The following ERI1 variants were observed in gnomAD, a reference collection of about 807,000 sequenced individuals.
ERI1 encodes the protein 3'-5' exoribonuclease 1.
ERI1 carries 39 observed loss-of-function variants against 39.7 expected under a neutral mutation model. The ratio of observed to expected loss-of-function variants is 0.98; its 90% confidence interval spans 0.76 to 1.28. The LOEUF (loss-of-function observed/expected upper bound fraction) is 1.28. Ranked by LOEUF, ERI1 falls within the 50% of genes most tolerant of loss-of-function variation. The probability of loss-of-function intolerance (pLI) is 0.00; values close to 1 mark genes in which losing one functional copy is unlikely to be tolerated. For synonymous variants in ERI1, 204 were observed against 149.6 expected (o/e 1.36, Z -2.65); for missense variants, 581 against 416.9 (o/e 1.39, Z -3.43).
chr8:9,086,572 C>T (rs184566233), intron 3 of ERI1, among the ~76,000 whole-genome samples: 357 of 152,244 alleles, frequency 2.3e-3, no homozygotes, highest in Admixed American at 5.1e-3. Flanking sequence ...CCAACCAATT[C>T]ATTCTGTTTG....
chr8:9,019,515 G>C (rs968386065), intron 5 of ERI1, among the ~76,000 whole-genome samples: 1 of 152,146 alleles, frequency 6.6e-6, no homozygotes, highest in Non-Finnish European at 1.5e-5. Flanking sequence ...TTGTGGGACA[G>C]ATCACTCAAA....
At chr8:9,010,413 C>T (rs998057797) in intron 2 of ERI1, among the ~76,000 whole-genome samples, 3 of 152,122 alleles carry the variant, frequency 2.0e-5, no homozygotes, top group African/African-American at 7.2e-5. Flanking sequence ...AGGATTTTCT[C>T]CGTAGGTCTT....
Position 9,030,978 on chromosome 8 carries a change from G to C in ERI1, c.*944G>C, listed in dbSNP as rs1225187385. 1 of 152,080 alleles carries C rather than the reference G, an allele frequency of 6.6e-6. No homozygotes were observed. The highest frequency in any genetic ancestry group is 1.5e-5 in the Non-Finnish European group (1 of 67,980). 9.4% of individuals were successfully genotyped at this position (152,080 alleles called of 1,614,324 possible). A position where few individuals can be genotyped will look rare whatever the true frequency, so the allele number is the denominator to read the frequency against. Reference sequence around the variant, plus strand: ...TAGTCAATAAAAGACTTGTTTTTCTGATTTTACATAGTAAATGGCTGCTAA... The same window carrying C: ...TAGTCAATAAAAGACTTGTTTTTCTCATTTTACATAGTAAATGGCTGCTAA... On this transcript the variant is annotated 3_prime_UTR_variant, in exon 7 of 7. Coordinates refer to ENST00000250263, the MANE Select transcript of ERI1 (RefSeq NM_153332.4).
At chr8:9,014,653 C>T (rs1167349837) in intron 3 of ERI1, among the ~76,000 whole-genome samples, 6 of 152,072 alleles carry the variant, frequency 3.9e-5, no homozygotes, top group Non-Finnish European at 5.9e-5. Flanking sequence ...TTATTTAGTA[C>T]TACCGAATTA....
At chr8:9,018,640 A>C (rs776239299) in intron 5 of ERI1, among the ~76,000 whole-genome samples, 1 of 152,096 alleles carries the variant, frequency 6.6e-6, no homozygotes, top group Non-Finnish European at 1.5e-5. Context: ...AAAGCTAAAA[A>C]GACTTTGCTA....
rs1815552564 is a variant in ERI1, at chr8:9,003,169, G to A, written c.106G>A (p.Glu36Lys). 1 of 1,242,296 alleles carries A rather than the reference G, an allele frequency of 8.0e-7. No homozygotes were observed. 77.0% of individuals were successfully genotyped at this position (1,242,296 alleles called of 1,614,324 possible). ...GGAGGAGCCGCCGCGTCCCAGTCCCGAGGTGAGGAGTCGACCCGCGCCTGG... is the reference window on the plus strand; with the variant it reads ...GGAGGAGCCGCCGCGTCCCAGTCCCAAGGTGAGGAGTCGACCCGCGCCTGG... Reference protein sequence around the residue: ...GGEEPPRPSPEETQQCKFDGQ... With the variant: ...GGEEPPRPSPKETQQCKFDGQ... The change falls in exon 1 of 7, where the codon GAG (glutamate) becomes AAG (lysine). Residue 36 changes from glutamate to lysine, a missense_variant and splice_region_variant. Transcript: ENST00000250263.
At chr8:9,004,899 G>C (rs761796959) in intron 1 of ERI1, among the ~76,000 whole-genome samples, 22 of 152,116 alleles carry the variant, frequency 1.4e-4, no homozygotes, top group Non-Finnish European at 2.4e-4. Context: ...TGTTGGCCAT[G>C]CTGGTCTGGA....
At chr8:9,052,001 G>A (rs1798371749) in intron 3 of ERI1, among the ~76,000 whole-genome samples, 1 of 152,160 alleles carries the variant, frequency 6.6e-6, no homozygotes, top group East Asian at 1.9e-4. Context: ...GTTAAACGGG[G>A]GCATGCCAGC....
At position 9,050,602 on chromosome 8, in the gene ERI1, G is replaced by A. The variant is rs116326622; in HGVS notation, n.299+30138G>A. Among the ~76,000 whole-genome samples, 889 of 152,120 alleles carry A rather than the reference G, an allele frequency of 5.8e-3. 11 individuals are homozygous for A. The highest frequency in any genetic ancestry group is 0.02 in the African/African-American group (834 of 41,490). Reference sequence around the variant, plus strand: ...TCCTGTCTGAGTCCTCATTGGGAACGTTTCACTGCTGACTGATAAGTCACC... The same window carrying A: ...TCCTGTCTGAGTCCTCATTGGGAACATTTCACTGCTGACTGATAAGTCACC... On this transcript the variant is annotated intron_variant and non_coding_transcript_variant, in intron 3 of 3. Coordinates refer to the ERI1 transcript ENST00000518663.
intron 3 of ERI1, among the ~76,000 whole-genome samples, chr8:9,098,187 C>G (rs1410287671): frequency 6.6e-6 from 1 of 152,112 alleles, no homozygotes; most frequent in African/African-American, 2.4e-5. Context: ...AGTATGAGAC[C>G]AGCCTGGCAA....
chr8:9,061,659 T>A (rs1798701726), intron 3 of ERI1, among the ~76,000 whole-genome samples: 9 of 152,174 alleles, frequency 5.9e-5, no homozygotes, highest in Admixed American at 5.9e-4. Flanking sequence ...AAGGAGTTGT[T>A]GTTTTGTAAG....
At chr8:9,049,401 A>G (rs1266234762) in intron 3 of ERI1, among the ~76,000 whole-genome samples, 1 of 151,390 alleles carries the variant, frequency 6.6e-6, no homozygotes, top group Non-Finnish European at 1.5e-5. Context: ...ATGGTGAAAA[A>G]AAAATGTCAA....
chr8:9,053,494 A>G (rs6601281), intron 3 of ERI1, among the ~76,000 whole-genome samples: 70,211 of 152,020 alleles, frequency 0.46, 17,871 homozygotes, highest in African/African-American at 0.65. Context: ...CTCGTCCTAC[A>G]CGTCTCTTCC....
intron 6 of ERI1, among the ~76,000 whole-genome samples, chr8:9,025,412 G>T (rs1423311142): frequency 6.6e-6 from 1 of 152,232 alleles, no homozygotes; most frequent in Admixed American, 6.5e-5. Flanking sequence ...GACTTGTTCA[G>T]CTGATTCATG....
chr8:9,024,305 G>T (rs190705925), intron 6 of ERI1, among the ~76,000 whole-genome samples: 72 of 152,268 alleles, frequency 4.7e-4, no homozygotes, highest in African/African-American at 1.6e-3. Flanking sequence ...GATTTTGGGG[G>T]AAATCCCAAA....
At chr8:9,009,979 A>C (rs1170330803) in intron 2 of ERI1, among the ~76,000 whole-genome samples, 2 of 152,250 alleles carry the variant, frequency 1.3e-5, no homozygotes, top group African/African-American at 4.8e-5. Flanking sequence ...GAAGGGAGCC[A>C]CTGAAGATAT....
At chr8:9,027,912 G>T (rs996431946) in intron 6 of ERI1, among the ~76,000 whole-genome samples, 1 of 152,230 alleles carries the variant, frequency 6.6e-6, no homozygotes, top group Non-Finnish European at 1.5e-5. Context: ...TTGCATTTCA[G>T]GATAAAATCC....
At chr8:9,028,716 C>T (rs888851852) in intron 6 of ERI1, among the ~76,000 whole-genome samples, 7 of 152,064 alleles carry the variant, frequency 4.6e-5, no homozygotes, top group East Asian at 1.9e-4. Context: ...CTCTGCCTCC[C>T]GGGTTCAAGG....
At chr8:9,090,000 G>A (rs927484888) in intron 3 of ERI1, among the ~76,000 whole-genome samples, 10 of 152,154 alleles carry the variant, frequency 6.6e-5, no homozygotes, top group Non-Finnish European at 1.2e-4. Flanking sequence ...CAAGGATGAC[G>A]GCTGAGATGA....
Sources: gnomAD v4.1 joint callset for allele counts (sites outside exome capture counted in the v4.1 genomes callset) on GRCh38, gnomAD v4.1.1 for gene constraint, MANE v1.5 for transcripts, NCBI Gene and HGNC (gene_info 2026-07-23, HGNC 2026-07-21) for gene names.